Variants in SEMA6A observed in about 807,000 individuals in gnomAD.
SEMA6A encodes semaphorin-6A.
SEMA6A carries 25 observed loss-of-function variants against 96.8 expected under a neutral mutation model. The observed-to-expected ratio is 0.26, with a 90% CI of 0.19 to 0.36. The LOEUF is 0.36. SEMA6A is among the 10% of genes least tolerant of loss of function. The probability of loss-of-function intolerance (pLI) is 1.00; values close to 1 mark genes in which losing one functional copy is unlikely to be tolerated. For synonymous variants in SEMA6A, 612 were observed against 518.0 expected (o/e 1.18, Z -2.46); for missense variants, 1,363 against 1,323.1 (o/e 1.03, Z -0.47).
At chr5:116,545,201 G>A (rs2112871677) in intron 1 of SEMA6A, among the ~76,000 whole-genome samples, 1 of 152,334 alleles carries the variant, frequency 6.6e-6, no homozygotes, top group East Asian at 1.9e-4. Context: ...GTCGGGTTTA[G>A]CTTAGATTGT....
chr5:116,508,920 G>C (rs1308922173), intron 1 of SEMA6A, among the ~76,000 whole-genome samples: 5 of 152,200 alleles, frequency 3.3e-5, no homozygotes, highest in African/African-American at 7.2e-5. Flanking sequence ...GAGGTATTCT[G>C]TTCCTCTTGA....
chr5:116,453,669 C>G (rs1754794050), intron 18 of SEMA6A, among the ~76,000 whole-genome samples: 1 of 152,186 alleles, frequency 6.6e-6, no homozygotes, highest in African/African-American at 2.4e-5. Context: ...CCTGAGAAAG[C>G]TAACTTTCGG....
At chr5:116,545,862 A>G (rs1760165542) in intron 1 of SEMA6A, among the ~76,000 whole-genome samples, 1 of 152,172 alleles carries the variant, frequency 6.6e-6, no homozygotes, top group Non-Finnish European at 1.5e-5. Context: ...GAAGACAGGC[A>G]TCTTTTTATC....
rs1754053245 is a variant in SEMA6A, at chr5:116,444,249, A to G, written c.*2364T>C. ...ACAAAAGCCAAAAAAAAAAAAAGTAAAAACAACAACAACCACCTACTCCTA... is the reference window on the plus strand; with the variant it reads ...ACAAAAGCCAAAAAAAAAAAAAGTAGAAACAACAACAACCACCTACTCCTA... On this transcript the variant is annotated 3_prime_UTR_variant, in exon 19 of 19. Transcript: ENST00000343348. 1 of 151,926 alleles carries G rather than the reference A, an allele frequency of 6.6e-6. No homozygotes were observed. The highest frequency in any genetic ancestry group is 1.5e-5 in the Non-Finnish European group (1 of 67,980). 9.4% of individuals were successfully genotyped at this position (151,926 alleles called of 1,614,324 possible). A position where few individuals can be genotyped will look rare whatever the true frequency, so the allele number is the denominator to read the frequency against.
intron 18 of SEMA6A, chr5:116,449,636 T>G (rs1754498980): frequency 2.9e-6 from 1 of 339,506 alleles, no homozygotes; most frequent in Non-Finnish European, 5.4e-6. Flanking sequence ...AGGGTCCTCC[T>G]CCCTTCAATT....
chr5:116,472,953 G>C, intron 17 of SEMA6A, 120 bp downstream of exon 17: 1 of 1,521,886 alleles, frequency 6.6e-7, no homozygotes, highest in East Asian at 2.5e-5. Context: ...AAAATGATGA[G>C]GATAAAAAAT....
chr5:116,531,144 C>T (rs1580481316), intron 1 of SEMA6A, among the ~76,000 whole-genome samples: 1 of 139,694 alleles, frequency 7.2e-6, no homozygotes, highest in East Asian at 2.4e-4. Flanking sequence ...TAATAAGTGC[C>T]AATTAATCTA....
intron 18 of SEMA6A, among the ~76,000 whole-genome samples, chr5:116,459,417 C>T (rs1338255141): frequency 9.2e-5 from 14 of 152,124 alleles, no homozygotes; most frequent in African/African-American, 1.4e-4. Context: ...TTCTTCCCAA[C>T]GTCTACCTTC....
Position 116,496,300 on chromosome 5 carries a change from T to G in SEMA6A, c.293A>C (p.Lys98Thr). 6.2e-7 allele frequency: 1 copy of G among 1,613,760 alleles called. No individual in the cohort carries two copies. Among genetic ancestry groups the G allele is most frequent in the Non-Finnish European group, 8.5e-7 (1 of 1,179,736 alleles). Residue 98 changes from lysine (K) to threonine (T), a missense_variant, in exon 5 of 19, where the codon AAA (lysine) becomes ACA (threonine). By Grantham distance (78) the Lys-to-Thr change is moderately conservative. Around this residue, in one of 2 missense-constraint regions of SEMA6A, gnomAD observed 480 missense variants for 559.5 expected, o/e 0.86. Transcript: ENST00000343348. ...EIYCSKKLTW[K>T]SRQADVDTCR... is the part of the protein sequence containing the mutation. Reference sequence around the variant, plus strand: ...TGTGTCTACATCGGCCTGTCTAGATTTCCATGTCAGTTTCTGCAGGGATCA... The same window carrying G: ...TGTGTCTACATCGGCCTGTCTAGATGTCCATGTCAGTTTCTGCAGGGATCA...
intron 1 of SEMA6A, among the ~76,000 whole-genome samples, chr5:116,542,929 T>TG (rs990969062): frequency 4.4e-4 from 67 of 152,268 alleles, no homozygotes; most frequent in African/African-American, 1.6e-3. Context: ...TGATTTTTTT[T>TG]GGGGGGTCAT....
At chr5:116,539,703 A>G (rs557277769) in intron 1 of SEMA6A, among the ~76,000 whole-genome samples, 51 of 152,188 alleles carry the variant, frequency 3.4e-4, no homozygotes, top group African/African-American at 1.1e-3. Flanking sequence ...CAACAACTTG[A>G]TCTTCACCAC....
chr5:116,480,035 G>T, intron 12 of SEMA6A, 87 bp downstream of exon 12: 1 of 1,460,648 alleles, frequency 6.8e-7, no homozygotes, highest in South Asian at 1.3e-5. Flanking sequence ...GATGTTTGTG[G>T]CATTTCAAAG....
At chr5:116,536,883 A>G (rs1305652693) in intron 1 of SEMA6A, among the ~76,000 whole-genome samples, 1 of 148,186 alleles carries the variant, frequency 6.7e-6, no homozygotes, top group African/African-American at 2.6e-5. Context: ...AAAAAAAAAA[A>G]AAAAAAAAAA....
chr5:116,505,222 T>C (rs1758088795), intron 1 of SEMA6A, among the ~76,000 whole-genome samples: 1 of 152,140 alleles, frequency 6.6e-6, no homozygotes. Flanking sequence ...CTTTAGTTCC[T>C]TTATCCTGAG....
At chr5:116,456,926 C>T (rs1047760924) in intron 18 of SEMA6A, among the ~76,000 whole-genome samples, 2 of 152,158 alleles carry the variant, frequency 1.3e-5, no homozygotes, top group East Asian at 1.9e-4. Context: ...CATGACTAGA[C>T]GAGAGAAAAG....
rs1754072098 is a variant in SEMA6A at position 116,444,572 on chromosome 5, A to C, written c.*2041T>G. On this transcript the variant is annotated 3_prime_UTR_variant, in exon 19 of 19. Coordinates refer to ENST00000343348, the MANE Select transcript of SEMA6A (RefSeq NM_020796.5). The stretch of plus-strand genomic sequence containing the variant: ...CAGTTCCTTTGTTCATGATAGAGTA[A>C]ACAAAAGTCCCTTTTGTGTGCTTGA... 6.5e-6 allele frequency: 1 copy of C among 152,674 alleles called. No individual in the cohort carries two copies. Among genetic ancestry groups the C allele is most frequent in the South Asian group, 2.1e-4 (1 of 4,832 alleles). The allele number at this position is 152,674 out of a possible 1,614,324, so 9.5% of individuals were successfully genotyped here. A position where few individuals can be genotyped will look rare whatever the true frequency, so the allele number is the denominator to read the frequency against.
chr5:116,453,355 G>T (rs1348903808), intron 18 of SEMA6A, among the ~76,000 whole-genome samples: 1 of 152,172 alleles, frequency 6.6e-6, no homozygotes, highest in Non-Finnish European at 1.5e-5. Context: ...CTTCTAAAGT[G>T]TCCCCAGAGC....
chr5:116,516,106 A>C (rs1758655521), intron 1 of SEMA6A, among the ~76,000 whole-genome samples: 1 of 152,092 alleles, frequency 6.6e-6, no homozygotes, highest in Non-Finnish European at 1.5e-5. Flanking sequence ...GCCTCTTTCG[A>C]TGAGCTCTGA....
Position 116,480,242 on chromosome 5 carries a change from C to T in SEMA6A, c.1130G>A (p.Arg377Lys), listed in dbSNP as rs1450914935. The T allele has an allele frequency of 1.9e-6, 3 of 1,613,792 alleles. No individual in the cohort carries two copies. Among genetic ancestry groups the T allele is most frequent in the Non-Finnish European group, 2.5e-6 (3 of 1,179,770 alleles). The change falls in exon 12 of 19, where the codon AGA becomes AAA. Residue 377 changes from arginine (R) to lysine (K), a missense_variant. By Grantham distance (26) the Arg-to-Lys change is conservative. Transcript: ENST00000343348. ...GCCAGSSSLE[R>K]YATSNEFPDD... ...AGGGAACTCATTGGAGGTTGCATAT[C>T]TTTCTAAGGAGGATGAGCCAGCACA...
Sources: gnomAD v4.1 joint callset for allele counts (sites outside exome capture counted in the v4.1 genomes callset) on GRCh38, gnomAD v4.1.1 for gene constraint, gnomAD v4.1.1 regional missense constraint, MANE v1.5 for transcripts, NCBI Gene and HGNC (gene_info 2026-07-23, HGNC 2026-07-21) for gene names.